NECAB1: variants seen among roughly 807,000 people sequenced by gnomAD.
NECAB1 encodes the protein N-terminal EF-hand calcium-binding protein 1.
NECAB1 carries 29 observed loss-of-function variants against 57.5 expected under a neutral mutation model. That is an observed-to-expected ratio of 0.50 (90% confidence interval 0.38 to 0.69). The LOEUF (loss-of-function observed/expected upper bound fraction) is 0.69, where lower values mean the gene tolerates loss of function less well. Ranked by LOEUF, NECAB1 falls within the 30% of genes least tolerant of loss-of-function variation. The pLI, the probability that NECAB1 is intolerant of heterozygous loss-of-function variation, is 0.00. For missense variants in NECAB1, 372 were observed against 413.8 expected, an observed-to-expected ratio of 0.90 and a Z score of 0.88; for synonymous variants, 142 against 147.7, an observed-to-expected ratio of 0.96 and a Z score of 0.28.
chr8:90,886,209 GAAGT>G (rs1188256036), intron 5 of NECAB1, among the ~76,000 whole-genome samples: 1 of 151,942 alleles, frequency 6.6e-6, no homozygotes, highest in Non-Finnish European at 1.5e-5. Flanking sequence ...GTAGCTGAGA[GAAGT>G]AAGCAAAAAT....
intron 2 of NECAB1, among the ~76,000 whole-genome samples, chr8:90,810,450 T>G (rs770590720): frequency 2.6e-4 from 40 of 152,206 alleles, no homozygotes; most frequent in Non-Finnish European, 5.3e-4. Context: ...ATACATTTAC[T>G]TGGATGTGAT....
Position 90,801,714 on chromosome 8 carries a change from T to C in NECAB1, c.123T>C (p.Asn41=), listed in dbSNP as rs753019985. Reference sequence around the variant, plus strand: ...AGATACTGAGGAGAGCAGACAAAAATGGTAAGACCAAAAATCTACAGTATC... The same window carrying C: ...AGATACTGAGGAGAGCAGACAAAAACGGTAAGACCAAAAATCTACAGTATC... ...FLDILRRADK[N]DDGKLSFEEF... The change falls in exon 2 of 13, where the codon AAT becomes AAC. Residue 41 remains asparagine (N), a splice_region_variant and synonymous_variant. Transcript: ENST00000417640. The C allele has an allele frequency of 4.2e-5, 64 of 1,522,944 alleles. No individual in the cohort carries two copies. Among genetic ancestry groups the C allele is most frequent in the Middle Eastern group, 2.2e-4 (1 of 4,592 alleles). 94.3% of individuals were successfully genotyped at this position (1,522,944 alleles called of 1,614,324 possible).
At chr8:90,834,116 CTG>C (rs2129728195) in intron 3 of NECAB1, among the ~76,000 whole-genome samples, 1 of 129,640 alleles carries the variant, frequency 7.7e-6, no homozygotes, top group African/African-American at 3.0e-5. Context: ...TGAGCTGAGA[CTG>C]TGCACCACTG....
At chr8:90,852,191 C>G (rs1329864303) in intron 3 of NECAB1, among the ~76,000 whole-genome samples, 2 of 152,130 alleles carry the variant, frequency 1.3e-5, no homozygotes, top group East Asian at 3.8e-4. Context: ...AAGAAGGGTG[C>G]AAGCTAACAT....
chr8:90,848,216 A>G (rs750711307), intron 3 of NECAB1, among the ~76,000 whole-genome samples: 8 of 152,230 alleles, frequency 5.3e-5, no homozygotes, highest in Non-Finnish European at 8.8e-5. Context: ...TTGCTAAAGC[A>G]TAATAAGAGT....
intron 4 of NECAB1, among the ~76,000 whole-genome samples, chr8:90,875,068 A>G (rs930533738): frequency 5.9e-5 from 9 of 152,158 alleles, no homozygotes; most frequent in African/African-American, 1.9e-4. Flanking sequence ...ATTAGCTATA[A>G]TCTAAAGCTT....
At chr8:90,819,638 A>G (rs558308132) in intron 2 of NECAB1, among the ~76,000 whole-genome samples, 1 of 152,008 alleles carries the variant, frequency 6.6e-6, no homozygotes, top group Non-Finnish European at 1.5e-5. Context: ...CTGTGGTGGT[A>G]AGGAGTGGGG....
intron 3 of NECAB1, among the ~76,000 whole-genome samples, chr8:90,867,616 A>C (rs1808543213): frequency 6.6e-6 from 1 of 152,212 alleles, no homozygotes; most frequent in Admixed American, 6.5e-5. Context: ...ATTGCTTTTT[A>C]GCTTGCAGTC....
chr8:90,888,428 C>T (rs192341268), intron 5 of NECAB1, among the ~76,000 whole-genome samples: 292 of 152,232 alleles, frequency 1.9e-3, no homozygotes, highest in African/African-American at 6.5e-3. Context: ...ATAAACAGCA[C>T]AGTATGTGAT....
At chr8:90,853,806 G>A (rs1812735855) in intron 3 of NECAB1, among the ~76,000 whole-genome samples, 1 of 152,154 alleles carries the variant, frequency 6.6e-6, no homozygotes, top group Non-Finnish European at 1.5e-5. Context: ...AGGGAAGAAG[G>A]CTTTAAGATG....
chr8:90,841,534 A>G (rs1812454602), intron 3 of NECAB1, among the ~76,000 whole-genome samples: 1 of 152,198 alleles, frequency 6.6e-6, no homozygotes, highest in East Asian at 1.9e-4. Flanking sequence ...CACATTTTTA[A>G]TAATAGGAGA....
intron 5 of NECAB1, among the ~76,000 whole-genome samples, chr8:90,906,889 A>ATGTATATATATATATATATATATATGTG (rs1370948313): frequency 1.4e-5 from 1 of 72,856 alleles, no homozygotes; most frequent in African/African-American, 5.7e-5. Flanking sequence ...ATATATATAT[A>ATGTATATATATATATATATATATATGTG]TATATATATA....
In NECAB1 at chr8:90,834,245, A is replaced by T. The variant is rs140028240; in HGVS notation, c.233+9420A>T. On this transcript the variant is annotated intron_variant, in intron 3 of 12. Transcript: ENST00000417640. ...ACAAATAACCAAAAAGTCACTGCTT[A>T]CTTTTGAAGTGCAGGTTTTTTCAAG... Among the ~76,000 whole-genome samples, 183 of 151,512 alleles carry T rather than the reference A, an allele frequency of 1.2e-3. 1 individual carries two copies. The East Asian group carries it at 0.024, about 20-fold the overall frequency.
At chr8:90,927,122 T>C (rs962827140) in intron 7 of NECAB1, among the ~76,000 whole-genome samples, 2 of 152,048 alleles carry the variant, frequency 1.3e-5, no homozygotes, top group Admixed American at 6.6e-5. Context: ...ATTAGAAATA[T>C]TGTATTAGAA....
intron 2 of NECAB1, among the ~76,000 whole-genome samples, chr8:90,821,704 G>A (rs367608979): frequency 3.3e-5 from 5 of 149,544 alleles, no homozygotes; most frequent in South Asian, 2.1e-4. Context: ...CTCTCACATC[G>A]CCCTGTGTCT....
chr8:90,909,128 A>G (rs1373574315), intron 5 of NECAB1, among the ~76,000 whole-genome samples: 1 of 152,120 alleles, frequency 6.6e-6, no homozygotes, highest in Non-Finnish European at 1.5e-5. Flanking sequence ...TGACAAAACT[A>G]TAGTGGATAG....
intron 5 of NECAB1, among the ~76,000 whole-genome samples, chr8:90,911,676 T>G (rs1041230670): frequency 6.6e-6 from 1 of 152,068 alleles, no homozygotes. Flanking sequence ...TCAGGAAAAT[T>G]AATATTTGTG....
intron 8 of NECAB1, among the ~76,000 whole-genome samples, chr8:90,931,656 C>T (rs568303229): frequency 2.6e-5 from 4 of 152,258 alleles, no homozygotes; most frequent in African/African-American, 7.2e-5. Flanking sequence ...GTAATCCCGG[C>T]ACTTTGGGAG....
At chr8:90,901,690 T>C (rs575706775) in intron 5 of NECAB1, among the ~76,000 whole-genome samples, 1 of 152,212 alleles carries the variant, frequency 6.6e-6, no homozygotes, top group Non-Finnish European at 1.5e-5. Context: ...GAAATTTGTA[T>C]AGTACGACCA....
Sources: gnomAD v4.1 joint callset for allele counts (sites outside exome capture counted in the v4.1 genomes callset) on GRCh38, gnomAD v4.1.1 for gene constraint, MANE v1.5 for transcripts, NCBI Gene and HGNC (gene_info 2026-07-23, HGNC 2026-07-21) for gene names.